Variants in ETV6 observed in about 807,000 individuals in gnomAD.
The protein encoded by ETV6 is transcription factor ETV6.
A neutral mutation model predicts 51.1 loss-of-function variants in ETV6; 16 were observed. That is an observed-to-expected ratio of 0.31 (90% confidence interval 0.21 to 0.48). The LOEUF (loss-of-function observed/expected upper bound fraction) is 0.48. Ranked by LOEUF, ETV6 falls within the 20% of genes least tolerant of loss-of-function variation. The pLI, the probability that ETV6 is intolerant of heterozygous loss-of-function variation, is 0.99. For synonymous variants in ETV6, 240 were observed against 224.1 expected (o/e 1.07, Z -0.64); for missense variants, 458 against 594.8 (o/e 0.77, Z 2.39).
chr12:11,881,679 G>T (rs1420381032), intron 5 of ETV6, among the ~76,000 whole-genome samples: 1 of 152,200 alleles, frequency 6.6e-6, no homozygotes, highest in Non-Finnish European at 1.5e-5. Flanking sequence ...AGTTAGTTAG[G>T]ATTTCAACAG....
intron 2 of ETV6, among the ~76,000 whole-genome samples, chr12:11,775,420 A>G (rs1485737202): frequency 6.6e-6 from 1 of 152,254 alleles, no homozygotes; most frequent in Non-Finnish European, 1.5e-5. Flanking sequence ...TTAAACCATA[A>G]GTCAAATACA....
intron 2 of ETV6, chr12:11,768,884 CT>C (rs1438572712): frequency 2.1e-6 from 1 of 466,682 alleles, no homozygotes; most frequent in African/African-American, 2.0e-5. Flanking sequence ...CTGACTGCCT[CT>C]TTCTCCTTGT....
chr12:11,773,446 A>C (rs2724594), intron 2 of ETV6, among the ~76,000 whole-genome samples: 116,264 of 152,106 alleles, frequency 0.76, 46,378 homozygotes, highest in South Asian at 0.96. Context: ...ATTTGAGAAC[A>C]TGGTTTCCTT....
chr12:11,882,810 A>G (rs1947119812), intron 5 of ETV6, among the ~76,000 whole-genome samples: 2 of 152,228 alleles, frequency 1.3e-5, no homozygotes, highest in African/African-American at 4.8e-5. Context: ...TTTCTCTGCA[A>G]TGCGGATGTG....
intron 2 of ETV6, among the ~76,000 whole-genome samples, chr12:11,827,415 G>A (rs1457734915): frequency 6.6e-6 from 1 of 152,126 alleles, no homozygotes; most frequent in Non-Finnish European, 1.5e-5. Flanking sequence ...AAAACAGCAT[G>A]TTCTAGAAAA....
At chr12:11,711,743 G>A (rs138612215) in intron 1 of ETV6, among the ~76,000 whole-genome samples, 28 of 152,316 alleles carry the variant, frequency 1.8e-4, no homozygotes, top group Non-Finnish European at 2.5e-4. Context: ...AAATGAATAA[G>A]GTATAGAGGA....
intron 2 of ETV6, among the ~76,000 whole-genome samples, chr12:11,766,947 T>G (rs1052450949): frequency 2.0e-5 from 3 of 152,234 alleles, no homozygotes; most frequent in African/African-American, 4.8e-5. Context: ...TGTCATTTTC[T>G]TCAGTTCCAT....
intron 2 of ETV6, among the ~76,000 whole-genome samples, chr12:11,825,067 C>T (rs894780829): frequency 6.6e-6 from 1 of 152,030 alleles, no homozygotes; most frequent in African/African-American, 2.4e-5. Context: ...GAAAGCGTGC[C>T]AAAACAACAT....
intron 1 of ETV6, among the ~76,000 whole-genome samples, chr12:11,655,726 A>G (rs1863987640): frequency 6.6e-6 from 1 of 152,244 alleles, no homozygotes; most frequent in Non-Finnish European, 1.5e-5. Context: ...TAGTAAAAAT[A>G]CAGAGTTCAG....
At chr12:11,876,604 T>C (rs947908561) in intron 5 of ETV6, among the ~76,000 whole-genome samples, 1 of 152,242 alleles carries the variant, frequency 6.6e-6, no homozygotes, top group Non-Finnish European at 1.5e-5. Context: ...GTTGGTACAC[T>C]GACAATTGTT....
chr12:11,819,877 A>T (rs970380806), intron 2 of ETV6, among the ~76,000 whole-genome samples: 6 of 152,164 alleles, frequency 3.9e-5, no homozygotes, highest in Non-Finnish European at 5.9e-5. Context: ...AGCTGGAGTG[A>T]TCCTTTGAAA....
At chr12:11,821,833 G>A (rs185257687) in intron 2 of ETV6, among the ~76,000 whole-genome samples, 1 of 152,278 alleles carries the variant, frequency 6.6e-6, no homozygotes, top group East Asian at 1.9e-4. Flanking sequence ...GGGCAACAGA[G>A]GGAGATTCTG....
chr12:11,879,036 C>G (rs1434861921), intron 5 of ETV6, among the ~76,000 whole-genome samples: 1 of 152,100 alleles, frequency 6.6e-6, no homozygotes, highest in Non-Finnish European at 1.5e-5. Context: ...CCAGAAATGC[C>G]TCCAGATATT....
At chr12:11,780,506 G>C (rs1036058276) in intron 2 of ETV6, among the ~76,000 whole-genome samples, 2 of 152,202 alleles carry the variant, frequency 1.3e-5, no homozygotes, top group Non-Finnish European at 2.9e-5. Flanking sequence ...CTCATTGGCT[G>C]ATAAGGTAGC....
chr12:11,851,053 A>G (rs1010806351), intron 3 of ETV6, among the ~76,000 whole-genome samples: 2 of 152,146 alleles, frequency 1.3e-5, no homozygotes, highest in Non-Finnish European at 2.9e-5. Flanking sequence ...GACTTGTTCA[A>G]GGTCACCTGG....
intron 1 of ETV6, among the ~76,000 whole-genome samples, chr12:11,718,601 A>T (rs1865323584): frequency 6.9e-6 from 1 of 145,382 alleles, no homozygotes; most frequent in Non-Finnish European, 1.5e-5. Flanking sequence ...CCCCATCGCT[A>T]CTAAAAAAAA....
rs182769786 is a variant in ETV6, at chr12:11,847,186, T to C, written c.329-6241T>C. ...AGTCTGCAGGTCTTGGTGACCACTT[T>C]CATGTGAGATGAGAAGGAAGAGAGG... On this transcript the variant is annotated intron_variant, in intron 3 of 7. Transcript: ENST00000396373. Among the ~76,000 whole-genome samples, 171 of 152,306 alleles carry C rather than the reference T, an allele frequency of 1.1e-3. 1 individual carries two copies. Among genetic ancestry groups the C allele is most frequent in the African/African-American group, 3.9e-3 (161 of 41,564 alleles).
chr12:11,891,457 T>C lies in ETV6; in HGVS notation c.*411T>C. On this transcript the variant is annotated 3_prime_UTR_variant, in exon 8 of 8. Coordinates refer to ENST00000396373, the MANE Select transcript of ETV6 (RefSeq NM_001987.5). ...TTGTTTTCCTATGGAAATATATATCTATTATATATATATTTTTTGCAAATC... is the reference window on the plus strand; with the variant it reads ...TTGTTTTCCTATGGAAATATATATCCATTATATATATATTTTTTGCAAATC... 2.2e-6 allele frequency: 1 copy of C among 446,396 alleles called. No individual in the cohort carries two copies. Among genetic ancestry groups the C allele is most frequent in the South Asian group, 2.0e-5 (1 of 49,408 alleles). 27.7% of individuals were successfully genotyped at this position (446,396 alleles called of 1,614,324 possible).
chr12:11,773,567 G>C (rs1020770797), intron 2 of ETV6, among the ~76,000 whole-genome samples: 1 of 152,196 alleles, frequency 6.6e-6, no homozygotes, highest in East Asian at 1.9e-4. Context: ...ATAAGGAAGA[G>C]ATCCATGATA....
Sources: gnomAD v4.1 joint callset for allele counts (sites outside exome capture counted in the v4.1 genomes callset) on GRCh38, gnomAD v4.1.1 for gene constraint, MANE v1.5 for transcripts, NCBI Gene and HGNC (gene_info 2026-07-23, HGNC 2026-07-21) for gene names.